The following CTNNA3 variants were observed in gnomAD, a reference collection of about 807,000 sequenced individuals.
The protein encoded by CTNNA3 is catenin alpha 3.
CTNNA3 carries 76 observed loss-of-function variants against 95.7 expected under a neutral mutation model. The observed-to-expected ratio is 0.79, with a 90% CI of 0.66 to 0.96. The LOEUF is 0.96. Ranked by LOEUF, CTNNA3 falls within the 40% of genes least tolerant of loss-of-function variation. CTNNA3 has a pLI of 0.00. For synonymous variants in CTNNA3, 431 were observed against 374.4 expected (o/e 1.15, Z -1.74); for missense variants, 1,191 against 1,089.8 (o/e 1.09, Z -1.31).
chr10:66,330,995 A>C (rs2092320055), intron 12 of CTNNA3, among the ~76,000 whole-genome samples: 1 of 151,890 alleles, frequency 6.6e-6, no homozygotes, highest in South Asian at 2.1e-4. Context: ...AGATGGCAAA[A>C]ATTTTCTCCC....
chr10:66,312,776 A>T (rs2092041704), intron 12 of CTNNA3, among the ~76,000 whole-genome samples: 2 of 152,036 alleles, frequency 1.3e-5, no homozygotes, highest in African/African-American at 4.8e-5. Context: ...CAATCTCCTG[A>T]CCTCGTGATA....
Position 66,027,647 on chromosome 10 carries a change from T to C in CTNNA3, c.2160-38850A>G, listed in dbSNP as rs191380877. ...ACAAAAATAAGAGCACTTACCACTT[T>C]GTAATCTTGTATTTACTTATGGTTC... is the stretch of plus-strand genomic sequence containing the variant. On this transcript the variant is annotated intron_variant, in intron 15 of 17. Coordinates refer to ENST00000433211, the MANE Select transcript of CTNNA3 (RefSeq NM_013266.4). 2.2e-3 allele frequency among the ~76,000 whole-genome samples: 328 copies of C among 152,314 alleles called. 1 individual carries two copies. The highest frequency in any genetic ancestry group is 7.0e-3 in the African/African-American group (291 of 41,586).
intron 3 of CTNNA3, among the ~76,000 whole-genome samples, chr10:67,581,829 T>A (rs1842411435): frequency 6.6e-6 from 1 of 152,234 alleles, no homozygotes; most frequent in Non-Finnish European, 1.5e-5. Flanking sequence ...TCTTTGAGAT[T>A]TTCTAGTTTT....
intron 10 of CTNNA3, among the ~76,000 whole-genome samples, chr10:66,538,296 T>C (rs545273803): frequency 6.6e-6 from 1 of 152,300 alleles, no homozygotes; most frequent in South Asian, 2.1e-4. Context: ...GAAGCCTCTA[T>C]TCTAGCATTT....
intron 9 of CTNNA3, among the ~76,000 whole-genome samples, chr10:66,630,474 C>T (rs1402594190): frequency 1.3e-5 from 2 of 152,026 alleles, no homozygotes; most frequent in African/African-American, 2.4e-5. Context: ...CTGAATAGGT[C>T]CCAATTTAGC....
intron 13 of CTNNA3, among the ~76,000 whole-genome samples, chr10:66,160,127 C>T (rs902944114): frequency 5.3e-5 from 8 of 151,642 alleles, no homozygotes; most frequent in South Asian, 2.1e-4. Flanking sequence ...TCAAAGGACC[C>T]GTTTTTTGTT....
rs1025504910 is a variant in CTNNA3, at chr10:66,619,808, T to C, written c.1374+1884A>G. Among the ~76,000 whole-genome samples, 15 of 152,130 alleles carry C rather than the reference T, an allele frequency of 9.9e-5. No homozygotes were observed. In the South Asian group the frequency reaches 2.7e-3, roughly 27 times the overall value. The stretch of plus-strand genomic sequence containing the variant: ...ACTGGTGAATTACCAAGTGCAAACA[T>C]AATATAATGTTTATATAAACTTGTA... On this transcript the variant is annotated intron_variant, in intron 10 of 17. Transcript: ENST00000433211.
intron 3 of CTNNA3, among the ~76,000 whole-genome samples, chr10:67,560,361 C>T (rs548374239): frequency 4.5e-4 from 69 of 151,884 alleles, no homozygotes; most frequent in African/African-American, 1.5e-3. Context: ...GAATTTTCAA[C>T]CCAGAATTTC....
At chr10:66,414,827 G>A (rs2093133572) in intron 11 of CTNNA3, among the ~76,000 whole-genome samples, 2 of 152,222 alleles carry the variant, frequency 1.3e-5, no homozygotes, top group Admixed American at 6.5e-5. Context: ...GTGCCAGCAA[G>A]GTGCCATTCT....
intron 7 of CTNNA3, among the ~76,000 whole-genome samples, chr10:67,007,400 C>CTT (rs552186162): frequency 3.4e-5 from 5 of 146,066 alleles, no homozygotes; most frequent in East Asian, 4.0e-4. Flanking sequence ...TTCAATCTGA[C>CTT]TTTTTTTTTT....
intron 13 of CTNNA3, among the ~76,000 whole-genome samples, chr10:66,118,809 A>C (rs1395611186): frequency 6.6e-6 from 1 of 152,186 alleles, no homozygotes; most frequent in African/African-American, 2.4e-5. Context: ...GCCATATTCT[A>C]TCTACTTGGT....
At chr10:65,971,375 T>TTG (rs1182823144) in intron 16 of CTNNA3, among the ~76,000 whole-genome samples, 1 of 97,330 alleles carries the variant, frequency 1.0e-5, no homozygotes, top group Non-Finnish European at 2.2e-5. Flanking sequence ...AAGACCAAAG[T>TTG]TGTGTTTTTT....
At chr10:66,480,366 A>AT (rs1839477331) in intron 11 of CTNNA3, among the ~76,000 whole-genome samples, 3 of 150,284 alleles carry the variant, frequency 2.0e-5, no homozygotes, top group African/African-American at 7.5e-5. Flanking sequence ...TTATTTGCTA[A>AT]CTTGATGTTC....
chr10:67,539,223 G>A (rs979150225), intron 4 of CTNNA3, among the ~76,000 whole-genome samples: 1 of 151,984 alleles, frequency 6.6e-6, no homozygotes, highest in South Asian at 2.1e-4. Context: ...TATTTATAGA[G>A]AGCATAGTTA....
chr10:67,184,333 C>A (rs185623459), intron 6 of CTNNA3, among the ~76,000 whole-genome samples: 1 of 152,264 alleles, frequency 6.6e-6, no homozygotes, highest in East Asian at 1.9e-4. Context: ...CCTTAGGGAT[C>A]GTAGTGGTAA....
intron 12 of CTNNA3, among the ~76,000 whole-genome samples, chr10:66,317,011 G>A (rs2092111239): frequency 1.3e-5 from 2 of 151,966 alleles, no homozygotes; most frequent in Admixed American, 1.3e-4. Context: ...TTCATAAAAT[G>A]CACACATATT....
At chr10:66,310,496 A>G (rs1157672969) in intron 12 of CTNNA3, among the ~76,000 whole-genome samples, 4 of 152,178 alleles carry the variant, frequency 2.6e-5, no homozygotes, top group Admixed American at 2.6e-4. Context: ...AACTGGGTAC[A>G]TTCCATCAAG....
intron 5 of CTNNA3, chr10:67,346,649 T>C: frequency 2.0e-6 from 1 of 497,818 alleles, no homozygotes; most frequent in South Asian, 1.5e-5. Context: ...AACTTCTAGT[T>C]ATAAGTGAGT....
chr10:67,316,337 A>C (rs562670260), intron 5 of CTNNA3, among the ~76,000 whole-genome samples: 1 of 152,130 alleles, frequency 6.6e-6, no homozygotes, highest in Non-Finnish European at 1.5e-5. Flanking sequence ...CTGCGTTCTT[A>C]TTTTTCTGAG....
Sources: gnomAD v4.1 joint callset for allele counts (sites outside exome capture counted in the v4.1 genomes callset) on GRCh38, gnomAD v4.1.1 for gene constraint, MANE v1.5 for transcripts, NCBI Gene and HGNC (gene_info 2026-07-23, HGNC 2026-07-21) for gene names.